Variants in HOXB3 observed in about 807,000 individuals in gnomAD.
The protein encoded by HOXB3 is homeobox protein Hox-B3.
A neutral mutation model predicts 29.2 loss-of-function variants in HOXB3; 17 were observed. The ratio of observed to expected loss-of-function variants is 0.58; its 90% confidence interval spans 0.40 to 0.87. The LOEUF (loss-of-function observed/expected upper bound fraction) is 0.87, where lower values mean the gene tolerates loss of function less well. Ranked by LOEUF, HOXB3 falls within the 40% of genes least tolerant of loss-of-function variation. HOXB3 has a pLI of 0.00. For synonymous variants in HOXB3, 317 were observed against 285.9 expected (o/e 1.11, Z -1.10); for missense variants, 637 against 616.3 (o/e 1.03, Z -0.35).
intron 1 of HOXB3, chr17:48,578,414 T>C: frequency 2.0e-6 from 3 of 1,464,442 alleles, no homozygotes; most frequent in Non-Finnish European, 2.7e-6. Flanking sequence ...TACTGTCAAG[T>C]GAACAAAGTT....
At chr17:48,562,517 T>C (rs1405926404) in intron 2 of HOXB3, among the ~76,000 whole-genome samples, 2 of 152,310 alleles carry the variant, frequency 1.3e-5, no homozygotes, top group East Asian at 1.9e-4. Context: ...TCTCTGCTCT[T>C]GGGAAATGTG....
chr17:48,551,339 C>T (rs1306621806), intron 4 of HOXB3, 158 bp from the exon 5 acceptor site: 2 of 857,432 alleles, frequency 2.3e-6, no homozygotes, highest in Non-Finnish European at 3.1e-6. Flanking sequence ...CCTCACTCCC[C>T]CACCCCACCG....
At chr17:48,583,796 G>A (rs991465451) in intron 1 of HOXB3, among the ~76,000 whole-genome samples, 1 of 152,214 alleles carries the variant, frequency 6.6e-6, no homozygotes, top group African/African-American at 2.4e-5. Context: ...TTCCTGGCCT[G>A]ACACTGCAGA....
At chr17:48,571,403 G>T (rs986659965) in intron 2 of HOXB3, among the ~76,000 whole-genome samples, 1 of 152,230 alleles carries the variant, frequency 6.6e-6, no homozygotes, top group Admixed American at 6.5e-5. Context: ...CAGGACAGGC[G>T]GGTGGAAGTA....
At chr17:48,565,032 GAT>G (rs2069345032) in intron 2 of HOXB3, among the ~76,000 whole-genome samples, 1 of 150,268 alleles carries the variant, frequency 6.7e-6, no homozygotes, top group Non-Finnish European at 1.5e-5. Context: ...TGAGGGAGGA[GAT>G]GTGGAATGGA....
chr17:48,550,539 G>A lies in HOXB3; in HGVS notation c.1091C>T (p.Pro364Leu). The A allele has an allele frequency of 6.5e-7, 1 of 1,539,164 alleles. No homozygotes were observed. The highest frequency in any genetic ancestry group is 8.7e-7 in the Non-Finnish European group (1 of 1,154,118). Residue 364 changes from proline (P) to leucine (L), a missense_variant, in exon 5 of 5, where the codon CCC becomes CTC. Coordinates refer to ENST00000498678, the MANE Select transcript of HOXB3 (RefSeq NM_001384749.1). ...GGGGYADPLPPPAGPSLYGLN... is the reference protein window; with the variant it reads ...GGGGYADPLPLPAGPSLYGLN... The stretch of plus-strand genomic sequence containing the variant: ...GCCATAGAGGGAGGGGCCGGCAGGG[G>A]GCGGCAGCGGATCCGCGTAGCCGCC...
intron 1 of HOXB3, among the ~76,000 whole-genome samples, chr17:48,584,728 C>A (rs1301191065): frequency 6.6e-6 from 1 of 152,176 alleles, no homozygotes; most frequent in African/African-American, 2.4e-5. Flanking sequence ...TTTTCTACAA[C>A]TCACCACCAC....
chr17:48,557,189 CTAGGGGATGAAA>C (rs2069024485), intron 2 of HOXB3: 1 of 152,358 alleles, frequency 6.6e-6, no homozygotes, highest in Middle Eastern at 3.2e-3. Flanking sequence ...TGACTCGGAG[CTAGGGGATGAAA>C]TAGAAAGCTG....
At chr17:48,562,442 C>T (rs1345017378) in intron 2 of HOXB3, among the ~76,000 whole-genome samples, 1 of 151,908 alleles carries the variant, frequency 6.6e-6, no homozygotes, top group East Asian at 1.9e-4. Flanking sequence ...ATAGGTCTGC[C>T]GGCAGCTGCA....
At chr17:48,551,943 G>T in intron 4 of HOXB3, 84 bp downstream of exon 4, 1 of 1,316,546 alleles carries the variant, frequency 7.6e-7, no homozygotes, top group South Asian at 1.4e-5. Flanking sequence ...AGCCTCGCGG[G>T]CGCCTAGGGG....
intron 1 of HOXB3, among the ~76,000 whole-genome samples, chr17:48,586,300 AT>A (rs2070044230): frequency 1.3e-5 from 2 of 152,208 alleles, no homozygotes; most frequent in South Asian, 4.1e-4. Context: ...AGGTTCCCGA[AT>A]TGCCCGAAGT....
Position 48,549,173 on chromosome 17 carries a change from A to G in HOXB3, c.*1161T>C, listed in dbSNP as rs2068621661. On this transcript the variant is annotated 3_prime_UTR_variant, in exon 5 of 5. Transcript: ENST00000498678. ...TCCTTTGTAACAGGTAAATACTAAA[A>G]AAGTACAATTTTTTCCTTTTTTTCC... is the stretch of plus-strand genomic sequence containing the variant. 6.5e-6 allele frequency: 1 copy of G among 152,700 alleles called. No homozygotes were observed. The highest frequency in any genetic ancestry group is 6.5e-5 in the Admixed American group (1 of 15,294). The allele number at this position is 152,700 out of a possible 1,614,324, so 9.5% of individuals were successfully genotyped here. A position where few individuals can be genotyped will look rare whatever the true frequency, so the allele number is the denominator to read the frequency against.
intron 2 of HOXB3, among the ~76,000 whole-genome samples, chr17:48,558,718 T>C (rs140202685): frequency 3.9e-5 from 6 of 151,992 alleles, no homozygotes; most frequent in East Asian, 1.9e-4. Flanking sequence ...AGTGAGGAGT[T>C]TGAGCAGGGA....
intron 3 of HOXB3, chr17:48,553,764 CA>C: frequency 6.6e-6 from 1 of 151,464 alleles, no homozygotes; most frequent in East Asian, 1.9e-4. Context: ...AATAAAGATT[CA>C]AACTAACATA....
At chr17:48,573,601 C>CTCAGTCCCAACCAG (rs1292396415) in intron 2 of HOXB3, among the ~76,000 whole-genome samples, 10 of 152,178 alleles carry the variant, frequency 6.6e-5, no homozygotes, top group Admixed American at 2.0e-4. Flanking sequence ...GCCCTGACAC[C>CTCAGTCCCAACCAG]TCAGTCCCAA....
At chr17:48,573,098 G>A (rs927820797) in intron 2 of HOXB3, among the ~76,000 whole-genome samples, 1 of 152,164 alleles carries the variant, frequency 6.6e-6, no homozygotes, top group African/African-American at 2.4e-5. Context: ...GGAGAGAACA[G>A]AGACCTCAAA....
chr17:48,565,919 T>C (rs2069372650), intron 2 of HOXB3, among the ~76,000 whole-genome samples: 1 of 152,194 alleles, frequency 6.6e-6, no homozygotes, highest in Non-Finnish European at 1.5e-5. Flanking sequence ...TGCTGCTTGT[T>C]CTCTCTCTGG....
chr17:48,555,221 T>C (rs1466268712), intron 3 of HOXB3, among the ~76,000 whole-genome samples: 1 of 150,624 alleles, frequency 6.6e-6, no homozygotes. Flanking sequence ...CAGAGAAAGG[T>C]TGAGACTTTC....
At chr17:48,555,112 A>G (rs1373952779) in intron 3 of HOXB3, among the ~76,000 whole-genome samples, 3 of 151,924 alleles carry the variant, frequency 2.0e-5, no homozygotes, top group African/African-American at 7.3e-5. Context: ...GAGAGCCAGG[A>G]GAGTAACAAT....
Sources: allele counts gnomAD v4.1 joint callset (sites outside exome capture counted in the v4.1 genomes callset), GRCh38; gene constraint gnomAD v4.1.1; transcripts MANE v1.5; gene names NCBI Gene and HGNC (gene_info 2026-07-23, HGNC 2026-07-21).